Variants in FDFT1 observed in about 807,000 individuals in gnomAD.
The protein encoded by FDFT1 is farnesyl-diphosphate farnesyltransferase 1, also known as squalene synthase.
Under a neutral mutation model 46.8 loss-of-function variants are expected in FDFT1, and 68 were observed. That is an observed-to-expected ratio of 1.45 (90% CI 1.19 to 1.78). The LOEUF (loss-of-function observed/expected upper bound fraction) is 1.78. FDFT1 is among the 40% of genes most tolerant of loss of function. The pLI, the probability that FDFT1 is intolerant of heterozygous loss-of-function variation, is 0.00. For synonymous variants in FDFT1, 351 were observed against 185.1 expected (o/e 1.90, Z -7.28); for missense variants, 928 against 524.4 (o/e 1.77, Z -7.52).
At chr8:11,827,113 T>TCA (rs1347554767) in intron 5 of FDFT1, among the ~76,000 whole-genome samples, 1 of 152,216 alleles carries the variant, frequency 6.6e-6, no homozygotes, top group Non-Finnish European at 1.5e-5. Flanking sequence ...GTTCCCTGAA[T>TCA]TTATTCCAGC....
In FDFT1 at chr8:11,809,637, A is replaced by G. The variant is rs548344323; in HGVS notation, c.198-30A>G. 103 of 1,549,846 alleles carry G rather than the reference A, an allele frequency of 6.6e-5. 2 individuals are homozygous for G. In the South Asian group the frequency reaches 1.1e-3, roughly 17 times the overall value. On this transcript the variant is annotated intron_variant, in intron 2 of 7. Coordinates refer to ENST00000220584, the MANE Select transcript of FDFT1 (RefSeq NM_004462.5). ...TAAAAAATCTTTGGCTGTTTGTTCC[A>G]ATATATTAATAGTTTTCCCTTTTTT... is the stretch of plus-strand genomic sequence containing the variant.
chr8:11,818,787 C>G (rs1441279138), intron 3 of FDFT1, among the ~76,000 whole-genome samples: 4 of 152,100 alleles, frequency 2.6e-5, no homozygotes, highest in Non-Finnish European at 1.5e-5. Flanking sequence ...AGCACAGTGA[C>G]GGGCCTTGAC....
intron 1 of FDFT1, among the ~76,000 whole-genome samples, chr8:11,804,011 A>G (rs1399325407): frequency 1.3e-5 from 2 of 152,190 alleles, no homozygotes; most frequent in African/African-American, 2.4e-5. Flanking sequence ...GTCACTTTTT[A>G]TATTTAGATA....
intron 7 of FDFT1, 124 bp from the exon 8 acceptor site, chr8:11,838,264 C>T (rs1304090636): frequency 5.4e-6 from 4 of 744,870 alleles, no homozygotes; most frequent in East Asian, 5.4e-5. Context: ...TTCATGTTCT[C>T]TGAGCCTCCC....
At chr8:11,800,938 T>G (rs886561180), upstream of FDFT1, among the ~76,000 whole-genome samples, 7 of 152,144 alleles carry the variant, frequency 4.6e-5, no homozygotes, top group African/African-American at 1.7e-4. Flanking sequence ...CTTAGGATTT[T>G]TAGTTTACAG....
chr8:11,808,272 G>C (rs187356488), intron 1 of FDFT1: 46 of 1,217,390 alleles, frequency 3.8e-5, no homozygotes, highest in Admixed American at 8.6e-5. Context: ...GGACGAGCGA[G>C]CCGCTCGGAA....
chr8:11,838,858 C>T lies in FDFT1; in HGVS notation c.*249C>T. 4.0e-6 allele frequency: 2 copies of T among 504,218 alleles called. No homozygotes were observed. The highest frequency in any genetic ancestry group is 3.7e-5 in the East Asian group (1 of 27,250). The allele number at this position is 504,218 out of a possible 1,614,324, so 31.2% of individuals were successfully genotyped here. A position where few individuals can be genotyped will look rare whatever the true frequency, so the allele number is the denominator to read the frequency against. On this transcript the variant is annotated 3_prime_UTR_variant, in exon 8 of 8. Coordinates refer to ENST00000220584, the MANE Select transcript of FDFT1 (RefSeq NM_004462.5). ...GTGCTGCTTGTGGCTCATGGCAGAG[C>T]ATTCAGTGCCACGGTTTAGGTGAAG...
intron 4 of FDFT1, 101 bp downstream of exon 4, chr8:11,821,979 C>T (rs1206270094): frequency 1.4e-6 from 2 of 1,398,262 alleles, no homozygotes; most frequent in Admixed American, 3.8e-5. Context: ...TATTTTCAGC[C>T]CCTCTGGTTT....
Position 11,821,724 on chromosome 8 carries a change from CTG to C in FDFT1, c.382-22_382-21del. 3 of 1,610,960 alleles carry C rather than the reference CTG, an allele frequency of 1.9e-6. No homozygotes were observed. In the South Asian group the frequency reaches 3.3e-5, roughly 18 times the overall value. ...CATGTCTGTACATATTTCATGATTT[CTG>C]TGTTTTTACGGTTTCCATTTCAGAT... On this transcript the variant is annotated intron_variant, in intron 3 of 7. Transcript: ENST00000220584.
intron 6 of FDFT1, 25 bp from the exon 7 acceptor site, chr8:11,831,493 T>G: frequency 6.2e-7 from 1 of 1,601,658 alleles, no homozygotes; most frequent in East Asian, 2.3e-5. Flanking sequence ...TTCTTCTTTT[T>G]TCCCTCTCTT....
intron 3 of FDFT1, among the ~76,000 whole-genome samples, chr8:11,817,608 C>G (rs552960969): frequency 3.7e-4 from 57 of 152,260 alleles, no homozygotes; most frequent in African/African-American, 1.3e-3. Context: ...GTGTATGTGT[C>G]GAGGAATGTA....
chr8:11,832,284 G>A (rs1168549228), intron 7 of FDFT1, among the ~76,000 whole-genome samples: 1 of 152,050 alleles, frequency 6.6e-6, no homozygotes, highest in Non-Finnish European at 1.5e-5. Context: ...GCCAGGCACA[G>A]TAGCTTACTC....
chr8:11,838,266 G>T (rs1427125918), intron 7 of FDFT1, 122 bp from the exon 8 acceptor site: 6 of 751,390 alleles, frequency 8.0e-6, no homozygotes, highest in Non-Finnish European at 1.4e-5. Flanking sequence ...CATGTTCTCT[G>T]AGCCTCCCTT....
At chr8:11,833,122 C>G (rs569307839) in intron 7 of FDFT1, among the ~76,000 whole-genome samples, 26 of 152,264 alleles carry the variant, frequency 1.7e-4, no homozygotes, top group African/African-American at 6.3e-4. Context: ...TTTAAAAACC[C>G]TAAAATTTTG....
At chr8:11,836,634 T>C (rs1194701152) in intron 7 of FDFT1, among the ~76,000 whole-genome samples, 1 of 152,236 alleles carries the variant, frequency 6.6e-6, no homozygotes, top group Non-Finnish European at 1.5e-5. Flanking sequence ...CAGGTTCTGC[T>C]TTTAGGAGGA....
At chr8:11,806,304 T>G (rs2130695432) in intron 1 of FDFT1, among the ~76,000 whole-genome samples, 1 of 152,290 alleles carries the variant, frequency 6.6e-6, no homozygotes, top group Non-Finnish European at 1.5e-5. Flanking sequence ...TGAGCTTGCT[T>G]TCTCCCCTGG....
At chr8:11,803,013 T>A (rs1318239407) in intron 1 of FDFT1, 82 bp downstream of exon 1, 4 of 1,523,368 alleles carry the variant, frequency 2.6e-6, no homozygotes, top group Non-Finnish European at 3.5e-6. Flanking sequence ...CGGGCCCGGA[T>A]CTGGGGCAAG....
Position 11,809,676 on chromosome 8 carries a change from G to A in FDFT1, c.207G>A (p.Val69=), listed in dbSNP as rs201041296. Residue 69 remains valine (V), a synonymous_variant, in exon 3 of 8, where the codon GTG becomes GTA. Coordinates refer to ENST00000220584, the MANE Select transcript of FDFT1 (RefSeq NM_004462.5). ...QALDGEMRNA[V]CIFYLVLRAL... ...TTTCCCTTTTTTACAGCAACGCAGT[G>A]TGCATATTTTATCTGGTTCTCCGAG... is the stretch of plus-strand genomic sequence containing the variant. 1.9e-6 allele frequency: 3 copies of A among 1,611,948 alleles called. No individual in the cohort carries two copies. Among genetic ancestry groups the A allele is most frequent in the African/African-American group, 1.3e-5 (1 of 74,900 alleles).
chr8:11,815,775 G>C (rs1808358997), intron 3 of FDFT1, among the ~76,000 whole-genome samples: 1 of 152,096 alleles, frequency 6.6e-6, no homozygotes, highest in Non-Finnish European at 1.5e-5. Context: ...ACTACCCTTT[G>C]TTGGATGGAT....
Sources: allele counts gnomAD v4.1 joint callset (sites outside exome capture counted in the v4.1 genomes callset), GRCh38; gene constraint gnomAD v4.1.1; transcripts MANE v1.5; gene names NCBI Gene and HGNC (gene_info 2026-07-23, HGNC 2026-07-21).